The following PLCH1 variants were observed in gnomAD, a reference collection of about 807,000 sequenced individuals.
PLCH1 encodes 1-phosphatidylinositol 4,5-bisphosphate phosphodiesterase eta-1.
PLCH1 carries 60 observed loss-of-function variants against 126.7 expected under a neutral mutation model. The observed-to-expected ratio is 0.47, with a 90% CI of 0.38 to 0.59. The LOEUF (loss-of-function observed/expected upper bound fraction) is 0.59. PLCH1 is among the 20% of genes least tolerant of loss of function. The probability of loss-of-function intolerance (pLI) is 0.00; values close to 1 mark genes in which losing one functional copy is unlikely to be tolerated. For synonymous variants in PLCH1, 719 were observed against 734.9 expected (o/e 0.98, Z 0.35); for missense variants, 1,723 against 2,040.0 (o/e 0.84, Z 2.99).
chr3:155,588,610 C>T (rs938367674), intron 4 of PLCH1, among the ~76,000 whole-genome samples: 2 of 152,188 alleles, frequency 1.3e-5, no homozygotes, highest in African/African-American at 4.8e-5. Context: ...GACAGCCAAA[C>T]CCTAAGCATG....
At chr3:155,699,469 A>G (rs996716964) in intron 2 of PLCH1, among the ~76,000 whole-genome samples, 2 of 152,198 alleles carry the variant, frequency 1.3e-5, no homozygotes, top group African/African-American at 4.8e-5. Context: ...GGACCTAGAA[A>G]AGGAGACTTA....
chr3:155,692,445 A>AGAAT (rs546948885), intron 2 of PLCH1, among the ~76,000 whole-genome samples: 79 of 146,860 alleles, frequency 5.4e-4, no homozygotes, highest in African/African-American at 2.0e-3. Flanking sequence ...ATACAGATAA[A>AGAAT]GAATGAATGA....
In PLCH1 at chr3:155,685,933, GT is replaced by G. The variant is rs202081126; in HGVS notation, c.79+18212del. Among the ~76,000 whole-genome samples the G allele has an allele frequency of 6.1e-3, 927 of 152,200 alleles. 13 individuals are homozygous for G. Among genetic ancestry groups the G allele is most frequent in the African/African-American group, 0.021 (871 of 41,518 alleles). On this transcript the variant is annotated intron_variant, in intron 2 of 22. Coordinates refer to ENST00000460012, the MANE Select transcript of PLCH1 (RefSeq NM_014996.4). The stretch of plus-strand genomic sequence containing the variant: ...GATTTACAAAAATATTTTTCTCCAT[GT>G]TTTTTACTTTCCTCTCCCAGGTTCA...
At chr3:155,627,474 CAA>C (rs10548265) in intron 2 of PLCH1, among the ~76,000 whole-genome samples, 73,355 of 150,124 alleles carry the variant, frequency 0.49, 20,123 homozygotes, top group African/African-American at 0.74. Context: ...ACCAAAAATA[CAA>C]AAAAAAAATT....
chr3:155,556,679 G>A (rs543850619), intron 8 of PLCH1, among the ~76,000 whole-genome samples: 1 of 152,334 alleles, frequency 6.6e-6, no homozygotes, highest in South Asian at 2.1e-4. Flanking sequence ...CACAATGTGA[G>A]TGGGCCTCGC....
intron 8 of PLCH1, among the ~76,000 whole-genome samples, chr3:155,561,260 C>A (rs1332363260): frequency 6.7e-6 from 1 of 150,302 alleles, no homozygotes; most frequent in Non-Finnish European, 1.5e-5. Context: ...TTAGGTATAT[C>A]TCCCAGTGCT....
chr3:155,471,166 T>C (rs1713210054), intron 21 of PLCH1, among the ~76,000 whole-genome samples: 1 of 152,210 alleles, frequency 6.6e-6, no homozygotes. Context: ...ATCAGTGTGC[T>C]GTATTCAGGA....
At chr3:155,606,692 G>T (rs146409852) in intron 2 of PLCH1, among the ~76,000 whole-genome samples, 1 of 152,190 alleles carries the variant, frequency 6.6e-6, no homozygotes, top group Admixed American at 6.5e-5. Flanking sequence ...CATGAAGAAG[G>T]TATTGAATGG....
At chr3:155,458,479 AAAG>A (rs1712561740) in intron 21 of PLCH1, among the ~76,000 whole-genome samples, 1 of 110,330 alleles carries the variant, frequency 9.1e-6, no homozygotes, top group African/African-American at 7.8e-5. Context: ...AGAAAGAAAG[AAAG>A]AAAGAAAGAA....
intron 15 of PLCH1, among the ~76,000 whole-genome samples, chr3:155,497,097 C>A (rs1717148990): frequency 6.6e-6 from 1 of 152,192 alleles, no homozygotes; most frequent in African/African-American, 2.4e-5. Flanking sequence ...CCTGTGGGAA[C>A]TTTCTCTGGC....
chr3:155,742,253 A>G (rs1315193280), intron 1 of PLCH1: 2 of 152,194 alleles, frequency 1.3e-5, no homozygotes, highest in African/African-American at 2.4e-5. Flanking sequence ...TTCGTTAAGA[A>G]TTTTCACAGT....
At chr3:155,629,802 C>T (rs1225495816) in intron 2 of PLCH1, among the ~76,000 whole-genome samples, 2 of 152,210 alleles carry the variant, frequency 1.3e-5, no homozygotes, top group African/African-American at 2.4e-5. Context: ...CCCTCCTGCC[C>T]TTCTTTCCAA....
At chr3:155,531,032 T>G (rs1722603756) in intron 10 of PLCH1, among the ~76,000 whole-genome samples, 1 of 152,170 alleles carries the variant, frequency 6.6e-6, no homozygotes, top group Admixed American at 6.5e-5. Context: ...TCCTGAGCAG[T>G]AGGTCTCAAT....
At chr3:155,490,680 C>T (rs1287453160) in intron 19 of PLCH1, 104 bp downstream of exon 19, 11 of 653,270 alleles carry the variant, frequency 1.7e-5, no homozygotes, top group South Asian at 3.9e-5. Context: ...ATGGGAGTTA[C>T]GGATTTTAGA....
At chr3:155,632,401 T>G in intron 2 of PLCH1, among the ~76,000 whole-genome samples, 1 of 152,222 alleles carries the variant, frequency 6.6e-6, no homozygotes, top group East Asian at 1.9e-4. Context: ...ATCAAGTATC[T>G]ATTACCTTCT....
At chr3:155,470,608 C>G (rs574214379) in intron 21 of PLCH1, among the ~76,000 whole-genome samples, 4 of 152,056 alleles carry the variant, frequency 2.6e-5, no homozygotes, top group African/African-American at 9.7e-5. Context: ...AAGAGCAACT[C>G]CAAGACACAT....
intron 2 of PLCH1, among the ~76,000 whole-genome samples, chr3:155,663,731 A>G (rs1742432806): frequency 6.6e-6 from 1 of 152,152 alleles, no homozygotes; most frequent in African/African-American, 2.4e-5. Flanking sequence ...GTCAATAAAC[A>G]TTAGCTCCAT....
intron 4 of PLCH1, among the ~76,000 whole-genome samples, chr3:155,589,905 T>C (rs1183825691): frequency 6.6e-6 from 1 of 152,228 alleles, no homozygotes; most frequent in Non-Finnish European, 1.5e-5. Flanking sequence ...GTCATTATCA[T>C]CATCACCATG....
chr3:155,512,008 C>T (rs994649542), intron 12 of PLCH1, among the ~76,000 whole-genome samples: 12 of 151,476 alleles, frequency 7.9e-5, no homozygotes, highest in Admixed American at 4.6e-4. Flanking sequence ...AGCGAGATTC[C>T]GTGGGCGTAG....
Sources: gnomAD v4.1 joint callset for allele counts (sites outside exome capture counted in the v4.1 genomes callset) on GRCh38, gnomAD v4.1.1 for gene constraint, MANE v1.5 for transcripts, NCBI Gene and HGNC (gene_info 2026-07-23, HGNC 2026-07-21) for gene names.